FNBP1: variants seen among roughly 807,000 people sequenced by gnomAD.
FNBP1 encodes formin binding protein 1, also known as formin-binding protein 1.
FNBP1 carries 26 observed loss-of-function variants against 90.6 expected under a neutral mutation model. The ratio of observed to expected loss-of-function variants is 0.29; its 90% CI spans 0.21 to 0.40. The LOEUF (loss-of-function observed/expected upper bound fraction) is 0.40, where lower values mean the gene tolerates loss of function less well. FNBP1 is among the 10% of genes least tolerant of loss of function. The pLI is 1.00. For synonymous variants in FNBP1, 260 were observed against 265.2 expected (o/e 0.98, Z 0.19); for missense variants, 635 against 768.0 (o/e 0.83, Z 2.05).
chr9:129,924,121 C>T (rs1300344622), intron 9 of FNBP1, 95 bp from the exon 10 acceptor site: 7 of 1,240,082 alleles, frequency 5.6e-6, no homozygotes, highest in African/African-American at 1.6e-5. Context: ...AAATCCAACG[C>T]AAGTAAAACA....
intron 2 of FNBP1, among the ~76,000 whole-genome samples, chr9:129,980,592 A>T (rs977605925): frequency 6.6e-6 from 1 of 151,218 alleles, no homozygotes; most frequent in Non-Finnish European, 1.5e-5. Context: ...TCCCTTCCTA[A>T]TCTCATCTCC....
At chr9:129,963,536 C>T (rs1225249059) in intron 4 of FNBP1, among the ~76,000 whole-genome samples, 1 of 151,960 alleles carries the variant, frequency 6.6e-6, no homozygotes, top group Non-Finnish European at 1.5e-5. Flanking sequence ...TAAACCACTA[C>T]CTGAAAACTG....
chr9:129,919,084 C>T, intron 10 of FNBP1: 1 of 521,884 alleles, frequency 1.9e-6, no homozygotes. Context: ...CCTCTGGGTC[C>T]CCAGTCTTGG....
intron 6 of FNBP1, among the ~76,000 whole-genome samples, chr9:129,943,886 G>C (rs1287918416): frequency 5.3e-5 from 8 of 150,680 alleles, no homozygotes; most frequent in Non-Finnish European, 1.0e-4. Context: ...CCAGCTACTA[G>C]GGAGGCTGAG....
intron 11 of FNBP1, among the ~76,000 whole-genome samples, chr9:129,913,592 GA>G (rs2039731183): frequency 6.6e-6 from 1 of 152,092 alleles, no homozygotes; most frequent in African/African-American, 2.4e-5. Flanking sequence ...CCAGCATGGT[GA>G]AACCCCGTCT....
chr9:130,023,334 C>CA, intron 1 of FNBP1, among the ~76,000 whole-genome samples: 1 of 152,152 alleles, frequency 6.6e-6, no homozygotes, highest in East Asian at 1.9e-4. Flanking sequence ...CCTTCTTTAA[C>CA]AGAGTGTATT....
intron 1 of FNBP1, among the ~76,000 whole-genome samples, chr9:130,014,322 G>A (rs2056995473): frequency 1.3e-5 from 2 of 151,360 alleles, no homozygotes; most frequent in South Asian, 2.1e-4. Context: ...CGCAATCTCG[G>A]TTCACGGCAA....
chr9:130,050,648 C>CT, the FNBP1 span, among the ~76,000 whole-genome samples: 3,216 of 141,622 alleles, frequency 0.023, 153 homozygotes, highest in African/African-American at 0.066. Flanking sequence ...TCAATCAACT[C>CT]TTTTTTTTTT....
intron 1 of FNBP1, among the ~76,000 whole-genome samples, chr9:130,025,809 A>C (rs1281786970): frequency 1.3e-5 from 2 of 152,216 alleles, no homozygotes; most frequent in African/African-American, 4.8e-5. Flanking sequence ...CTGTAATCCC[A>C]GCTACTTGGG....
At chr9:129,916,276 T>C in intron 10 of FNBP1, 1 of 363,408 alleles carries the variant, frequency 2.8e-6, no homozygotes, top group Non-Finnish European at 5.0e-6. Flanking sequence ...TCAGCCTAGA[T>C]GTAAATTAAA....
chr9:129,888,741 T>TG lies in FNBP1; in HGVS notation c.*1797dup. ...TCTCGTCCCCGAGGGCTGACTGAGCTGCTCCGGAAGGGTGGTGTGTGGTCA... is the reference window on the plus strand; with the variant it reads ...TCTCGTCCCCGAGGGCTGACTGAGCTGGCTCCGGAAGGGTGGTGTGTGGTCA... On this transcript the variant is annotated 3_prime_UTR_variant, in exon 17 of 17. Coordinates refer to ENST00000446176, the MANE Select transcript of FNBP1 (RefSeq NM_015033.3). 4.3e-6 allele frequency: 1 copy of TG among 233,332 alleles called. No individual in the cohort carries two copies. Among genetic ancestry groups the TG allele is most frequent in the Non-Finnish European group, 8.5e-6 (1 of 118,082 alleles). The allele number at this position is 233,332 out of a possible 1,614,324, so 14.5% of individuals were successfully genotyped here. A position where few individuals can be genotyped will look rare whatever the true frequency, so the allele number is the denominator to read the frequency against.
In FNBP1 at chr9:129,905,292, G is replaced by GTATATATATATATATA. The variant is rs71497501; in HGVS notation, c.1296-2292_1296-2291insTATATATATATATATA. Among the ~76,000 whole-genome samples the GTATATATATATATATA allele has an allele frequency of 5.3e-5, 3 of 56,290 alleles. No homozygotes were observed. The South Asian group carries it at 3.7e-3, about 70-fold the overall frequency. 36.9% of individuals were successfully genotyped at this position (56,290 alleles called of 152,430 possible). A position where few individuals can be genotyped will look rare whatever the true frequency, so the allele number is the denominator to read the frequency against. On this transcript the variant is annotated intron_variant, in intron 12 of 16. Transcript: ENST00000446176. The stretch of plus-strand genomic sequence containing the variant: ...TGTTGAATTGTGTGTGTGTGTGTGT[G>GTATATATATATATATA]TGTATATATATATATATATATTTTG...
intron 1 of FNBP1, among the ~76,000 whole-genome samples, chr9:130,033,823 TA>T (rs1162827854): frequency 1.8e-5 from 2 of 113,780 alleles, no homozygotes; most frequent in African/African-American, 6.9e-5. Flanking sequence ...ACTAACATGG[TA>T]ACCCCGCCTC....
intron 1 of FNBP1, among the ~76,000 whole-genome samples, chr9:130,016,615 C>T (rs149312595): frequency 0.023 from 3,508 of 152,090 alleles, 133 homozygotes; most frequent in African/African-American, 0.08. Context: ...TGGTGGTGCA[C>T]GCCTGTAATT....
At chr9:130,051,508 C>G in the FNBP1 span, among the ~76,000 whole-genome samples, 1 of 152,104 alleles carries the variant, frequency 6.6e-6, no homozygotes, top group Non-Finnish European at 1.5e-5. Context: ...CAACCTTAAG[C>G]TGATCCTGAA....
At chr9:130,033,670 C>T (rs994160450) in intron 1 of FNBP1, among the ~76,000 whole-genome samples, 3 of 150,532 alleles carry the variant, frequency 2.0e-5, no homozygotes, top group Non-Finnish European at 4.4e-5. Context: ...GACCCCCCCA[C>T]CTCTACAAAA....
At chr9:130,010,392 G>A (rs2046301825) in intron 1 of FNBP1, among the ~76,000 whole-genome samples, 1 of 152,122 alleles carries the variant, frequency 6.6e-6, no homozygotes, top group South Asian at 2.1e-4. Context: ...AACACGTACT[G>A]AGAAAGGTTT....
chr9:130,040,099 G>A (rs1262371011), intron 1 of FNBP1, among the ~76,000 whole-genome samples: 2 of 151,866 alleles, frequency 1.3e-5, no homozygotes, highest in African/African-American at 4.8e-5. Context: ...CCAATGTACC[G>A]CACATCACCA....
intron 11 of FNBP1, among the ~76,000 whole-genome samples, chr9:129,912,247 A>G (rs1334310061): frequency 6.6e-6 from 1 of 152,156 alleles, no homozygotes; most frequent in Non-Finnish European, 1.5e-5. Flanking sequence ...ATATTTGGTC[A>G]CAGAAATCTT....
Sources: gnomAD v4.1 joint callset for allele counts (sites outside exome capture counted in the v4.1 genomes callset) on GRCh38, gnomAD v4.1.1 for gene constraint, MANE v1.5 for transcripts, NCBI Gene and HGNC (gene_info 2026-07-23, HGNC 2026-07-21) for gene names.